TUBGCP4: variants seen among roughly 807,000 people sequenced by gnomAD.
The protein encoded by TUBGCP4 is gamma-tubulin complex component 4.
Under a neutral mutation model 91.6 loss-of-function variants are expected in TUBGCP4, and 54 were observed. The ratio of observed to expected loss-of-function variants is 0.59; its 90% CI spans 0.47 to 0.74. TUBGCP4 has a LOEUF of 0.74. TUBGCP4 is among the 30% of genes least tolerant of loss of function. The pLI is 0.00. For missense variants in TUBGCP4, 593 were observed against 800.9 expected (o/e 0.74, Z 3.13); for synonymous variants, 297 against 302.8 (o/e 0.98, Z 0.20).
chr15:43,405,313 C>A lies in TUBGCP4; in HGVS notation c.*99C>A. ...CTAGCCACACACAAATAAATATCTG[C>A]GGCTTAGTGATAGGACTCTACCTTT... On this transcript the variant is annotated 3_prime_UTR_variant, in exon 18 of 18. Transcript: ENST00000564079. 3 of 1,389,280 alleles carry A rather than the reference C, an allele frequency of 2.2e-6. No individual in the cohort carries two copies. The highest frequency in any genetic ancestry group is 1.2e-5 in the South Asian group (1 of 84,698). 86.1% of individuals were successfully genotyped at this position (1,389,280 alleles called of 1,614,324 possible).
intron 9 of TUBGCP4, among the ~76,000 whole-genome samples, chr15:43,387,819 G>T (rs1397380205): frequency 6.6e-6 from 1 of 151,992 alleles, no homozygotes; most frequent in African/African-American, 2.4e-5. Context: ...CAGAGCTTCT[G>T]ATTCATAGGT....
intron 14 of TUBGCP4, 79 bp from the exon 15 acceptor site, chr15:43,401,637 T>G: frequency 6.7e-7 from 1 of 1,485,270 alleles, no homozygotes; most frequent in Non-Finnish European, 9.2e-7. Context: ...AGCATTTTCA[T>G]TTCAATCTGT....
rs1459074208 is a variant in TUBGCP4 at position 43,401,730 on chromosome 15, G to C, written c.1611G>C (p.Glu537Asp). The C allele has an allele frequency of 5.6e-6, 9 of 1,614,020 alleles. No individual in the cohort carries two copies. Among genetic ancestry groups the C allele is most frequent in the Non-Finnish European group, 7.6e-6 (9 of 1,180,016 alleles). ...LQYYLQVDVL[E>D]SQFSQLLHQI... ...ATGTCTATCAGGTAGATGTGTTGGAGTCTCAGTTCTCCCAGCTGCTTCATC... is the reference window on the plus strand; with the variant it reads ...ATGTCTATCAGGTAGATGTGTTGGACTCTCAGTTCTCCCAGCTGCTTCATC... Residue 537 changes from glutamate (E) to aspartate (D), a missense_variant, in exon 15 of 18, where the codon GAG becomes GAC. By Grantham distance (45) the Glu-to-Asp change is conservative (BLOSUM62 2). Coordinates refer to ENST00000564079, the MANE Select transcript of TUBGCP4 (RefSeq NM_014444.5).
intron 1 of TUBGCP4, among the ~76,000 whole-genome samples, chr15:43,374,066 A>G (rs774929971): frequency 6.6e-6 from 1 of 152,170 alleles, no homozygotes; most frequent in Non-Finnish European, 1.5e-5. Context: ...TCAATTTTCT[A>G]TGGACTTGGT....
rs569199014 is a variant in TUBGCP4, at chr15:43,376,116, T to C, written c.97T>C (p.Phe33Leu). The change falls in exon 2 of 18, where the codon TTC (phenylalanine) becomes CTC (leucine). Residue 33 changes from phenylalanine to leucine, a missense_variant. By Grantham distance (22) the Phe-to-Leu change is conservative. Coordinates refer to ENST00000564079, the MANE Select transcript of TUBGCP4 (RefSeq NM_014444.5). ...SGLQVSQDFPFLHPSETSVLN... is the reference protein window; with the variant it reads ...SGLQVSQDFPLLHPSETSVLN... ...CCTGCAGGTATCGCAGGACTTCCCT[T>C]TCCTCCACCCCAGTGAGACCAGTGT... 5.6e-6 allele frequency: 9 copies of C among 1,613,992 alleles called. No individual in the cohort carries two copies. The highest frequency in any genetic ancestry group is 7.6e-6 in the Non-Finnish European group (9 of 1,179,984).
chr15:43,404,783 C>G, intron 17 of TUBGCP4: 1 of 546,542 alleles, frequency 1.8e-6, no homozygotes. Flanking sequence ...GTGTTAAGTC[C>G]TTTGCTAGGT....
chr15:43,379,219 G>A (rs913639328), intron 5 of TUBGCP4, among the ~76,000 whole-genome samples: 5 of 152,200 alleles, frequency 3.3e-5, no homozygotes, highest in African/African-American at 1.2e-4. Flanking sequence ...GCTTTTTGGA[G>A]TAGTGGAAAT....
intron 9 of TUBGCP4, 47 bp downstream of exon 9, chr15:43,386,377 A>ATATATATATATTTT (rs1555394852): frequency 5.2e-5 from 1 of 19,100 alleles, no homozygotes; most frequent in African/African-American, 3.0e-4. Flanking sequence ...ATATATATAT[A>ATATATATATATTTT]TTTTTTTTTT....
At chr15:43,382,167 G>A (rs1266675565) in intron 6 of TUBGCP4, among the ~76,000 whole-genome samples, 2 of 151,184 alleles carry the variant, frequency 1.3e-5, no homozygotes, top group South Asian at 2.1e-4. Context: ...AGCCATGATC[G>A]TGCTACAGCA....
intron 9 of TUBGCP4, 47 bp downstream of exon 9, chr15:43,386,377 A>ATTTTTTTTTTTTTTTTTTT (rs748820688): frequency 5.2e-5 from 1 of 19,092 alleles, no homozygotes; most frequent in Non-Finnish European, 8.0e-5. Flanking sequence ...ATATATATAT[A>ATTTTTTTTTTTTTTTTTTT]TTTTTTTTTT....
chr15:43,403,538 C>T (rs2044747407), intron 15 of TUBGCP4, 145 bp from the exon 16 acceptor site: 2 of 623,836 alleles, frequency 3.2e-6, no homozygotes, highest in Non-Finnish European at 5.7e-6. Flanking sequence ...GCTGGCAGGC[C>T]TTGCACGTGG....
At position 43,398,125 on chromosome 15, in the gene TUBGCP4, C is replaced by T. The variant is rs775111049; in HGVS notation, c.1364C>T (p.Ser455Phe). The part of the protein sequence containing the change: ...PASGWAALGL[S>F]YKVQWPLHIL... ...TCTGGCTGGGCAGCCCTAGGTCTTT[C>T]CTACAAAGTACAGTGGCCACTACAT... The change falls in exon 13 of 18, where the codon TCC becomes TTC. Residue 455 changes from serine (S) to phenylalanine (F), a missense_variant. Transcript: ENST00000564079. 5 of 1,614,040 alleles carry T rather than the reference C, an allele frequency of 3.1e-6. No homozygotes were observed. The African/African-American group carries it at 5.3e-5, about 17-fold the overall frequency.
At chr15:43,395,433 A>G (rs1023778896) in intron 10 of TUBGCP4, 150 bp from the exon 11 acceptor site, 30 of 717,050 alleles carry the variant, frequency 4.2e-5, no homozygotes, top group Non-Finnish European at 7.4e-5. Flanking sequence ...GGAACTAAGT[A>G]TGCCTCTTTG....
Position 43,408,610 on chromosome 15 carries a change from C to A in TUBGCP4, c.*3396C>A. On this transcript the variant is annotated 3_prime_UTR_variant, in exon 18 of 18. Coordinates refer to ENST00000564079, the MANE Select transcript of TUBGCP4 (RefSeq NM_014444.5). The stretch of plus-strand genomic sequence containing the variant: ...GCTGAGAATAATCCAAATCATGCTC[C>A]TGAGCCTATATATTTTTAATGCTTG... The A allele has an allele frequency of 2.5e-6, 1 of 400,568 alleles. No homozygotes were observed. 24.8% of individuals were successfully genotyped at this position (400,568 alleles called of 1,614,324 possible).
chr15:43,399,548 G>A (rs183501611), intron 13 of TUBGCP4, among the ~76,000 whole-genome samples: 1 of 152,268 alleles, frequency 6.6e-6, no homozygotes, highest in Admixed American at 6.5e-5. Context: ...ATCTCACTAT[G>A]TTGCTCAGGC....
At chr15:43,396,101 G>A (rs1156897350) in intron 11 of TUBGCP4, among the ~76,000 whole-genome samples, 2 of 152,138 alleles carry the variant, frequency 1.3e-5, no homozygotes, top group Non-Finnish European at 1.5e-5. Flanking sequence ...GGAAAACTTC[G>A]ATTCATTCTC....
Position 43,408,826 on chromosome 15 carries a change from C to G in TUBGCP4, c.*3612C>G, listed in dbSNP as rs1393696268. On this transcript the variant is annotated 3_prime_UTR_variant, in exon 18 of 18. Transcript: ENST00000564079. ...TTTCTAGAAAGCTTTACTCTCTCAC[C>G]TAGATTCTCTTCCCTCCAAAGCTTG... 19 of 1,488,366 alleles carry G rather than the reference C, an allele frequency of 1.3e-5. No homozygotes were observed. The Admixed American group carries it at 2.9e-4, about 23-fold the overall frequency. 92.2% of individuals were successfully genotyped at this position (1,488,366 alleles called of 1,614,324 possible). A position where few individuals can be genotyped will look rare whatever the true frequency, so the allele number is the denominator to read the frequency against.
Position 43,400,122 on chromosome 15 carries a change from G to C in TUBGCP4, c.1497G>C (p.Met499Ile). 6.2e-7 allele frequency: 1 copy of C among 1,614,214 alleles called. No individual in the cohort carries two copies. The highest frequency in any genetic ancestry group is 2.2e-5 in the East Asian group (1 of 44,880). Reference sequence around the variant, plus strand: ...TGCAGCACTGCTGGGCCCTACAAATGCAGCGCAAGCACCTCAAGTCGAACC... The same window carrying C: ...TGCAGCACTGCTGGGCCCTACAAATCCAGCGCAAGCACCTCAAGTCGAACC... Reference protein sequence around the residue: ...AELQHCWALQMQRKHLKSNQT... With the variant: ...AELQHCWALQIQRKHLKSNQT... Residue 499 changes from methionine to isoleucine, a missense_variant, in exon 14 of 18, where the codon ATG becomes ATC. Met to Ile is a conservative substitution (Grantham distance 10, BLOSUM62 1). Coordinates refer to ENST00000564079, the MANE Select transcript of TUBGCP4 (RefSeq NM_014444.5).
At chr15:43,373,645 C>CTTTTTTTT (rs767035742) in intron 1 of TUBGCP4, among the ~76,000 whole-genome samples, 1 of 129,654 alleles carries the variant, frequency 7.7e-6, no homozygotes, top group Non-Finnish European at 1.7e-5. Flanking sequence ...AGACCAGGTT[C>CTTTTTTTT]TTTTTTTTTT....
Sources: gnomAD v4.1 joint callset for allele counts (sites outside exome capture counted in the v4.1 genomes callset) on GRCh38, gnomAD v4.1.1 for gene constraint, MANE v1.5 for transcripts, NCBI Gene and HGNC (gene_info 2026-07-23, HGNC 2026-07-21) for gene names.